The following SLC14A2 variants were observed in gnomAD, a reference collection of about 807,000 sequenced individuals.
The protein encoded by SLC14A2 is solute carrier family 14 member 2.
Under a neutral mutation model 104.6 loss-of-function variants are expected in SLC14A2, and 91 were observed. The observed-to-expected ratio is 0.87, with a 90% CI of 0.73 to 1.04. The LOEUF is 1.04. Among genes scored for constraint, SLC14A2 ranks in the 50% least tolerant of loss-of-function variants. The probability of loss-of-function intolerance (pLI) is 0.00; values close to 1 mark genes in which losing one functional copy is unlikely to be tolerated. For synonymous variants in SLC14A2, 476 were observed against 466.4 expected (o/e 1.02, Z -0.27); for missense variants, 1,189 against 1,156.0 (o/e 1.03, Z -0.41).
At chr18:45,668,052 T>TGTA (rs1311549372) in intron 14 of SLC14A2, 30 bp downstream of exon 14, 2 of 1,603,774 alleles carry the variant, frequency 1.2e-6, no homozygotes, top group Non-Finnish European at 1.7e-6. Flanking sequence ...GGTCCAAACA[T>TGTA]GTAGCCAAGA....
chr18:45,458,959 G>A (rs1310905544), intron 1 of SLC14A2, among the ~76,000 whole-genome samples: 1 of 152,190 alleles, frequency 6.6e-6, no homozygotes, highest in African/African-American at 2.4e-5. Flanking sequence ...CAGTAAAATA[G>A]GACAACGATA....
intron 1 of SLC14A2, among the ~76,000 whole-genome samples, chr18:45,478,563 G>A (rs1421185987): frequency 6.6e-6 from 1 of 152,116 alleles, no homozygotes; most frequent in African/African-American, 2.4e-5. Flanking sequence ...TATCTTTGTA[G>A]AGTTCTTCTG....
chr18:45,551,817 C>T (rs948388299), intron 2 of SLC14A2, among the ~76,000 whole-genome samples: 2 of 152,176 alleles, frequency 1.3e-5, no homozygotes, highest in Admixed American at 6.5e-5. Context: ...CGTTTACTGT[C>T]GTCTGCACCA....
At chr18:45,643,384 T>C (rs2045563915) in intron 9 of SLC14A2, among the ~76,000 whole-genome samples, 1 of 152,080 alleles carries the variant, frequency 6.6e-6, no homozygotes, top group African/African-American at 2.4e-5. Context: ...GGGAGGGGTG[T>C]GTGTGTGTGT....
chr18:45,670,679 G>C (rs987445055), intron 16 of SLC14A2, among the ~76,000 whole-genome samples: 1 of 152,164 alleles, frequency 6.6e-6, no homozygotes, highest in Non-Finnish European at 1.5e-5. Context: ...TTTTGTTTCA[G>C]AGATAGAGTC....
intron 1 of SLC14A2, among the ~76,000 whole-genome samples, chr18:45,452,692 C>T (rs1354212349): frequency 1.3e-5 from 2 of 152,142 alleles, no homozygotes; most frequent in Non-Finnish European, 2.9e-5. Flanking sequence ...AGTGTGGCTC[C>T]TGGGACAGCC....
At chr18:45,641,564 T>C (rs1271441497) in intron 8 of SLC14A2, among the ~76,000 whole-genome samples, 1 of 152,214 alleles carries the variant, frequency 6.6e-6, no homozygotes, top group Non-Finnish European at 1.5e-5. Context: ...ACTTACACAG[T>C]GTTGTAAAGT....
At chr18:45,605,540 G>T (rs2044854682) in intron 2 of SLC14A2, among the ~76,000 whole-genome samples, 1 of 152,202 alleles carries the variant, frequency 6.6e-6, no homozygotes, top group African/African-American at 2.4e-5. Context: ...GCGGTAAGAA[G>T]AATGGACTGT....
rs1010077779 is a variant in SLC14A2, at chr18:45,258,555, T to C, written c.-125+45364T>C. Reference sequence around the variant, plus strand: ...GGATAAGCTAGGTACTTTTGTCTTCTCAACTGAACTTTAAGCTTCTTGTAG... The same window carrying C: ...GGATAAGCTAGGTACTTTTGTCTTCCCAACTGAACTTTAAGCTTCTTGTAG... On this transcript the variant is annotated intron_variant, in intron 1 of 20. Coordinates refer to the SLC14A2 transcript ENST00000586448. Among the ~76,000 whole-genome samples the C allele has an allele frequency of 1.4e-5, 2 of 143,618 alleles. 1 individual carries two copies. Among genetic ancestry groups the C allele is most frequent in the East Asian group, 3.9e-4 (2 of 5,104 alleles). The allele number at this position is 143,618 out of a possible 152,430, so 94.2% of individuals were successfully genotyped here. A position where few individuals can be genotyped will look rare whatever the true frequency, so the allele number is the denominator to read the frequency against.
intron 1 of SLC14A2, among the ~76,000 whole-genome samples, chr18:45,443,751 G>C (rs999914158): frequency 3.9e-5 from 6 of 152,166 alleles, no homozygotes; most frequent in Non-Finnish European, 5.9e-5. Flanking sequence ...TTTTGCTTCT[G>C]AGGGATTTGT....
chr18:45,488,252 G>C (rs916779735), intron 2 of SLC14A2, among the ~76,000 whole-genome samples: 12 of 152,146 alleles, frequency 7.9e-5, no homozygotes, highest in African/African-American at 2.7e-4. Context: ...GTTGGATATG[G>C]TGTGGACCCC....
At chr18:45,411,429 A>G (rs1461693104) in intron 1 of SLC14A2, among the ~76,000 whole-genome samples, 1 of 152,200 alleles carries the variant, frequency 6.6e-6, no homozygotes, top group African/African-American at 2.4e-5. Flanking sequence ...TAGTGAAGGA[A>G]ATTATACAAC....
intron 1 of SLC14A2, among the ~76,000 whole-genome samples, chr18:45,242,336 G>A (rs762463677): frequency 3.9e-5 from 6 of 152,122 alleles, no homozygotes; most frequent in African/African-American, 9.7e-5. Context: ...AAAAACTGCC[G>A]TAAAAGTCAA....
At chr18:45,197,363 A>G in the SLC14A2 span, among the ~76,000 whole-genome samples, 1 of 152,186 alleles carries the variant, frequency 6.6e-6, no homozygotes, top group Non-Finnish European at 1.5e-5. Context: ...ATTTTGTCCA[A>G]CTGATGAGGA....
At chr18:45,317,834 C>T (rs940551961) in intron 1 of SLC14A2, among the ~76,000 whole-genome samples, 15 of 152,308 alleles carry the variant, frequency 9.8e-5, no homozygotes, top group Non-Finnish European at 2.2e-4. Context: ...TTATCCACAG[C>T]TTCAATCTGA....
At chr18:45,328,124 G>A (rs2085254423) in intron 1 of SLC14A2, among the ~76,000 whole-genome samples, 1 of 152,132 alleles carries the variant, frequency 6.6e-6, no homozygotes, top group South Asian at 2.1e-4. Context: ...TGGAACAAAG[G>A]CTTTAGAGCT....
intron 1 of SLC14A2, among the ~76,000 whole-genome samples, chr18:45,322,644 T>C (rs1325410437): frequency 6.6e-6 from 1 of 152,238 alleles, no homozygotes; most frequent in Non-Finnish European, 1.5e-5. Flanking sequence ...TTCTTTTTGT[T>C]TTTAGCCTCT....
intron 1 of SLC14A2, among the ~76,000 whole-genome samples, chr18:45,310,368 C>G (rs1431153383): frequency 6.6e-6 from 1 of 152,198 alleles, no homozygotes; most frequent in Non-Finnish European, 1.5e-5. Context: ...ACTTCGCCAG[C>G]CTGATAGGTA....
intron 1 of SLC14A2, among the ~76,000 whole-genome samples, chr18:45,417,801 G>C (rs747019151): frequency 2.0e-5 from 3 of 152,152 alleles, no homozygotes; most frequent in Non-Finnish European, 2.9e-5. Flanking sequence ...TCAAATGGAG[G>C]AATTTCAGAA....
Sources: allele counts gnomAD v4.1 joint callset (sites outside exome capture counted in the v4.1 genomes callset), GRCh38; gene constraint gnomAD v4.1.1; transcripts MANE v1.5; gene names NCBI Gene and HGNC (gene_info 2026-07-23, HGNC 2026-07-21).